The following NCR1 variants were observed in gnomAD, a reference collection of about 807,000 sequenced individuals.
NCR1 encodes the protein natural cytotoxicity triggering receptor 1, also known as NK cell-activating receptor.
NCR1 carries 30 observed loss-of-function variants against 32.5 expected under a neutral mutation model. The observed-to-expected ratio is 0.92, with a 90% confidence interval of 0.69 to 1.25. The LOEUF is 1.25. NCR1 is among the 50% of genes most tolerant of loss of function. NCR1 has a pLI of 0.00. For synonymous variants in NCR1, 169 were observed against 143.4 expected (o/e 1.18, Z -1.28); for missense variants, 369 against 380.7 (o/e 0.97, Z 0.26).
At chr19:54,900,064 T>C in the NCR1 span, among the ~76,000 whole-genome samples, 1 of 152,166 alleles carries the variant, frequency 6.6e-6, no homozygotes, top group Admixed American at 6.5e-5. Context: ...AGATGTTCCT[T>C]GGGCTGGTTG....
the NCR1 span, among the ~76,000 whole-genome samples, chr19:54,899,904 C>T: frequency 2.2e-4 from 34 of 152,168 alleles, no homozygotes; most frequent in African/African-American, 6.7e-4. Context: ...ACGAATAAAG[C>T]GCGTCTCCTG....
chr19:54,906,690 A>G lies in NCR1; in HGVS notation c.238A>G (p.Lys80Glu), dbSNP rs146073962. The part of the protein sequence containing the change: ...DRPKPPERIN[K>E]VQFYIPDMNS... Reference sequence around the variant, plus strand: ...ACCAAAACCCCCTGAGCGGATTAACAAAGTCCAATTCTACATCCCGGACAT... The same window carrying G: ...ACCAAAACCCCCTGAGCGGATTAACGAAGTCCAATTCTACATCCCGGACAT... Residue 80 changes from lysine (K) to glutamate (E), a missense_variant, in exon 3 of 7, where the codon AAA becomes GAA. Physicochemically the swap from Lys to Glu is moderately conservative, Grantham distance 56. Coordinates refer to ENST00000291890, the MANE Select transcript of NCR1 (RefSeq NM_004829.7). 5.0e-6 allele frequency: 8 copies of G among 1,614,076 alleles called. No homozygotes were observed. The highest frequency in any genetic ancestry group is 6.8e-6 in the Non-Finnish European group (8 of 1,180,046).
the NCR1 span, among the ~76,000 whole-genome samples, chr19:54,932,313 A>C: frequency 6.6e-6 from 1 of 152,016 alleles, no homozygotes; most frequent in South Asian, 2.1e-4. Context: ...CTGTAATCCC[A>C]GCTACTTGGG....
At chr19:54,920,246 G>A (rs980103443), downstream of NCR1, among the ~76,000 whole-genome samples, 1 of 152,114 alleles carries the variant, frequency 6.6e-6, no homozygotes, top group Non-Finnish European at 1.5e-5. Flanking sequence ...TCTTAACTGG[G>A]GGTGATTTTG....
the NCR1 span, among the ~76,000 whole-genome samples, chr19:54,899,790 C>T: frequency 1.3e-5 from 2 of 152,072 alleles, no homozygotes; most frequent in South Asian, 4.1e-4. Context: ...TGGTCAGACA[C>T]CTCTGAAACG....
the NCR1 span, chr19:54,923,918 A>G: frequency 6.2e-7 from 1 of 1,603,096 alleles, no homozygotes; most frequent in Admixed American, 1.7e-5. Context: ...TTCATTCTCA[A>G]CTACCCAGGA....
the NCR1 span, among the ~76,000 whole-genome samples, chr19:54,936,850 G>A: frequency 6.6e-6 from 1 of 152,100 alleles, no homozygotes; most frequent in African/African-American, 2.4e-5. Flanking sequence ...AGGAGGCAGA[G>A]GTTGCAGTGA....
At chr19:54,921,990 G>C in the NCR1 span, among the ~76,000 whole-genome samples, 1 of 151,496 alleles carries the variant, frequency 6.6e-6, no homozygotes, top group Admixed American at 6.6e-5. Flanking sequence ...TCCGCCTCCC[G>C]GGTTCAAGCG....
chr19:54,917,484 TA>T (rs2068159572), downstream of NCR1, among the ~76,000 whole-genome samples: 6 of 152,100 alleles, frequency 3.9e-5, no homozygotes, highest in South Asian at 1.0e-3. Flanking sequence ...CACGCCTGGC[TA>T]ATTTTTGTAT....
At chr19:54,928,575 C>T in the NCR1 span, among the ~76,000 whole-genome samples, 1 of 152,030 alleles carries the variant, frequency 6.6e-6, no homozygotes, top group African/African-American at 2.4e-5. Flanking sequence ...AGAGGTAAGT[C>T]AAACAGAGAG....
chr19:54,902,187 A>T (rs927888077), upstream of NCR1, among the ~76,000 whole-genome samples: 1 of 152,206 alleles, frequency 6.6e-6, no homozygotes, highest in African/African-American at 2.4e-5. Flanking sequence ...TTAGGGCATC[A>T]TATGCAAATT....
chr19:54,936,609 G>A, the NCR1 span, among the ~76,000 whole-genome samples: 1 of 150,498 alleles, frequency 6.6e-6, no homozygotes, highest in African/African-American at 2.4e-5. Flanking sequence ...ATAACCTGAG[G>A]TCAGGAGTCT....
the NCR1 span, among the ~76,000 whole-genome samples, chr19:54,931,259 T>A: frequency 6.6e-6 from 1 of 151,228 alleles, no homozygotes; most frequent in South Asian, 2.1e-4. Context: ...CCATCTCTAC[T>A]AAAAAATACA....
downstream of NCR1, among the ~76,000 whole-genome samples, chr19:54,919,249 G>A (rs1243302913): frequency 3.3e-5 from 5 of 152,108 alleles, no homozygotes; most frequent in Non-Finnish European, 2.9e-5. Context: ...AGCTGGGCCC[G>A]GGGGACCACT....
the NCR1 span, among the ~76,000 whole-genome samples, chr19:54,921,272 C>G: frequency 1.3e-5 from 2 of 152,146 alleles, no homozygotes; most frequent in Admixed American, 6.6e-5. Context: ...TGAGCTGTAT[C>G]CCGCTAAACA....
chr19:54,906,258 G>T, intron 1 of NCR1, 37 bp downstream of exon 1: 2 of 1,614,186 alleles, frequency 1.2e-6, no homozygotes, highest in Non-Finnish European at 1.7e-6. Flanking sequence ...GGATCACGGT[G>T]TGCCTGGGAG....
chr19:54,909,479 A>G lies in NCR1; in HGVS notation c.590A>G (p.His197Arg). ...CGATGTTTTGGCTCCTATAACAACCATGCCTGGTCTTTCCCCAGTGAGCCA... is the reference window on the plus strand; with the variant it reads ...CGATGTTTTGGCTCCTATAACAACCGTGCCTGGTCTTTCCCCAGTGAGCCA... The part of the protein sequence containing the change: ...TYRCFGSYNN[H>R]AWSFPSEPVK... The change falls in exon 4 of 7, where the codon CAT becomes CGT. Residue 197 changes from histidine to arginine, a missense_variant. Coordinates refer to ENST00000291890, the MANE Select transcript of NCR1 (RefSeq NM_004829.7). 6.2e-7 allele frequency: 1 copy of G among 1,610,028 alleles called. No individual in the cohort carries two copies.
chr19:54,906,773 A>C lies in NCR1; in HGVS notation c.321A>C (p.Ser107=). The C allele has an allele frequency of 6.2e-7, 1 of 1,614,186 alleles. No homozygotes were observed. Among genetic ancestry groups the C allele is most frequent in the Non-Finnish European group, 8.5e-7 (1 of 1,180,030 alleles). ...SCIYRVGELW[S]EPSNLLDLVV... is the part of the protein sequence containing the mutation. ...TCTATCGGGTTGGGGAGCTCTGGTC[A>C]GAGCCCAGCAACTTGCTGGATCTGG... The change falls in exon 3 of 7, where the codon TCA becomes TCC. Residue 107 remains serine (S), a synonymous_variant. Transcript: ENST00000291890.
At chr19:54,919,661 C>T (rs955306436), downstream of NCR1, among the ~76,000 whole-genome samples, 62 of 151,042 alleles carry the variant, frequency 4.1e-4, no homozygotes, top group African/African-American at 1.4e-3. Context: ...GTCAGGCCCT[C>T]CACAAGAGGT....
Sources: gnomAD v4.1 joint callset for allele counts (sites outside exome capture counted in the v4.1 genomes callset) on GRCh38, gnomAD v4.1.1 for gene constraint, MANE v1.5 for transcripts, NCBI Gene and HGNC (gene_info 2026-07-23, HGNC 2026-07-21) for gene names.